LRRC8B: variants seen among roughly 807,000 people sequenced by gnomAD.
The protein encoded by LRRC8B is leucine rich repeat containing 8 VRAC subunit B, also known as volume-regulated anion channel subunit LRRC8B.
A neutral mutation model predicts 58.8 loss-of-function variants in LRRC8B; 23 were observed. The ratio of observed to expected loss-of-function variants is 0.39; its 90% confidence interval spans 0.28 to 0.55. The LOEUF (loss-of-function observed/expected upper bound fraction) is 0.55, where lower values mean the gene tolerates loss of function less well. Ranked by LOEUF, LRRC8B falls within the 20% of genes least tolerant of loss-of-function variation. The pLI is 0.62. For missense variants in LRRC8B, 694 were observed against 936.0 expected, an observed-to-expected ratio of 0.74 and a Z score of 3.37; for synonymous variants, 359 against 374.1, an observed-to-expected ratio of 0.96 and a Z score of 0.47.
intron 3 of LRRC8B, among the ~76,000 whole-genome samples, chr1:89,570,942 G>T (rs1653429296): frequency 6.6e-6 from 1 of 152,170 alleles, no homozygotes; most frequent in African/African-American, 2.4e-5. Flanking sequence ...TGGCTAGCCA[G>T]TTATCCGAGC....
chr1:89,552,878 C>T (rs1475714170), intron 1 of LRRC8B, among the ~76,000 whole-genome samples: 1 of 152,136 alleles, frequency 6.6e-6, no homozygotes, highest in Non-Finnish European at 1.5e-5. Flanking sequence ...TTATTACTTC[C>T]TTGATTAAAT....
chr1:89,533,957 T>C (rs1650333096), intron 1 of LRRC8B, among the ~76,000 whole-genome samples: 1 of 152,224 alleles, frequency 6.6e-6, no homozygotes, highest in African/African-American at 2.4e-5. Context: ...ACTTTGTCTA[T>C]GAGCTAGTGT....
rs1217820108 is a variant in LRRC8B at position 89,593,219 on chromosome 1, A to G, written c.*176A>G. ...GTGAAACCCCATCTCTGCTAAAACT[A>G]CAAAAAAATTAGCCAGGCGTGGTGG... On this transcript the variant is annotated 3_prime_UTR_variant, in exon 6 of 6. Coordinates refer to ENST00000330947, the MANE Select transcript of LRRC8B (RefSeq NM_001369817.2). 9.0e-5 allele frequency: 54 copies of G among 599,526 alleles called. No individual in the cohort carries two copies. Among genetic ancestry groups the G allele is most frequent in the Middle Eastern group, 4.5e-4 (1 of 2,228 alleles). The allele number at this position is 599,526 out of a possible 1,614,324, so 37.1% of individuals were successfully genotyped here.
chr1:89,539,141 C>A (rs770235280), intron 1 of LRRC8B, among the ~76,000 whole-genome samples: 5 of 152,142 alleles, frequency 3.3e-5, no homozygotes, highest in African/African-American at 9.7e-5. Context: ...CTCTTAAAGG[C>A]AAAGAAAACC....
At chr1:89,588,849 C>G (rs1654804833) in intron 5 of LRRC8B, among the ~76,000 whole-genome samples, 1 of 152,308 alleles carries the variant, frequency 6.6e-6, no homozygotes, top group African/African-American at 2.4e-5. Flanking sequence ...GGGGTCAAGT[C>G]TACCCACTGC....
In LRRC8B at chr1:89,583,736, C is replaced by G. The variant is rs748075014; in HGVS notation, c.1086C>G (p.Val362=). 1 of 1,614,154 alleles carries G rather than the reference C, an allele frequency of 6.2e-7. No homozygotes were observed. Among genetic ancestry groups the G allele is most frequent in the Non-Finnish European group, 8.5e-7 (1 of 1,180,030 alleles). ...GCAACTACAGTGACATCCCTGATGT[C>G]AAGAATGACTTTGCCTTCATCCTTC... The part of the protein sequence containing the change: ...EKSNYSDIPD[V]KNDFAFILHL... Residue 362 remains valine, a synonymous_variant, in exon 5 of 6, where the codon GTC becomes GTG. Coordinates refer to ENST00000330947, the MANE Select transcript of LRRC8B (RefSeq NM_001369817.2). This position sits in a 1 kb window ranked among gnomAD's most constrained non-coding sequence, Gnocchi z 5.2.
At chr1:89,541,810 A>G (rs1189048930) in intron 1 of LRRC8B, among the ~76,000 whole-genome samples, 3 of 149,962 alleles carry the variant, frequency 2.0e-5, no homozygotes, top group African/African-American at 7.4e-5. Context: ...AGGCAGGATA[A>G]GAGTTCAGTC....
At chr1:89,581,509 T>G (rs2045581) in intron 4 of LRRC8B, among the ~76,000 whole-genome samples, 6 of 151,996 alleles carry the variant, frequency 3.9e-5, no homozygotes, top group Non-Finnish European at 8.8e-5. Flanking sequence ...TTCCTTTTAC[T>G]TTACTCTGTG....
intron 1 of LRRC8B, among the ~76,000 whole-genome samples, chr1:89,535,469 T>C (rs746774683): frequency 6.6e-5 from 10 of 152,138 alleles, no homozygotes; most frequent in Non-Finnish European, 1.2e-4. Flanking sequence ...TGAGTTACGA[T>C]AGCACCACTG....
At chr1:89,527,224 C>T (rs900630743) in intron 1 of LRRC8B, among the ~76,000 whole-genome samples, 1 of 152,080 alleles carries the variant, frequency 6.6e-6, no homozygotes, top group African/African-American at 2.4e-5. Context: ...CTAATAGTAC[C>T]TGAGTATTTT....
At chr1:89,562,038 T>C (rs987272590) in intron 1 of LRRC8B, among the ~76,000 whole-genome samples, 6 of 152,106 alleles carry the variant, frequency 3.9e-5, no homozygotes, top group African/African-American at 1.4e-4. Flanking sequence ...GTCTCAGGGA[T>C]ATGTGGATGG....
chr1:89,542,510 G>GTGAA (rs544033184), intron 1 of LRRC8B, among the ~76,000 whole-genome samples: 215 of 152,248 alleles, frequency 1.4e-3, no homozygotes, highest in Non-Finnish European at 2.5e-3. Flanking sequence ...GAATGACTGA[G>GTGAA]TGAATGAATG....
chr1:89,536,000 G>A (rs1306127061), intron 1 of LRRC8B, among the ~76,000 whole-genome samples: 1 of 152,038 alleles, frequency 6.6e-6, no homozygotes, highest in Non-Finnish European at 1.5e-5. Flanking sequence ...GGGGCCCTCT[G>A]GGTTTCTGGA....
At chr1:89,578,839 T>C (rs1427961583) in intron 3 of LRRC8B, among the ~76,000 whole-genome samples, 1 of 152,156 alleles carries the variant, frequency 6.6e-6, no homozygotes, top group Non-Finnish European at 1.5e-5. Context: ...GTTCAAATTA[T>C]CAATATATAT....
Position 89,584,043 on chromosome 1 carries a change from C to T in LRRC8B, c.1393C>T (p.Leu465Phe), listed in dbSNP as rs1425549802. ...LPSAVSQLVN[L>F]KELRVYHSSL... Reference sequence around the variant, plus strand: ...CTCTGCAGTCTCACAGCTGGTCAACCTCAAGGAGCTTCGTGTGTACCATTC... The same window carrying T: ...CTCTGCAGTCTCACAGCTGGTCAACTTCAAGGAGCTTCGTGTGTACCATTC... Residue 465 changes from leucine (L) to phenylalanine (F), a missense_variant, in exon 5 of 6, where the codon CTC (leucine) becomes TTC (phenylalanine). Leu to Phe is a conservative substitution (Grantham distance 22, BLOSUM62 0). Coordinates refer to ENST00000330947, the MANE Select transcript of LRRC8B (RefSeq NM_001369817.2). 2.5e-6 allele frequency: 4 copies of T among 1,614,136 alleles called. No individual in the cohort carries two copies. In the South Asian group the frequency reaches 4.4e-5, roughly 18 times the overall value.
chr1:89,537,461 T>C (rs1449326443), intron 1 of LRRC8B, among the ~76,000 whole-genome samples: 1 of 151,950 alleles, frequency 6.6e-6, no homozygotes, highest in African/African-American at 2.4e-5. Flanking sequence ...TTGGTGTGTT[T>C]TTTGTTTTGT....
chr1:89,570,681 A>G lies in LRRC8B; in HGVS notation c.-125+2188A>G, dbSNP rs537348499. On this transcript the variant is annotated intron_variant, in intron 3 of 5. Transcript: ENST00000330947. ...TGTAGGTTGTCTGTTTACTCTGTTGATAGCTTCTTTTGCTGTGCAGAAGCT... is the reference window on the plus strand; with the variant it reads ...TGTAGGTTGTCTGTTTACTCTGTTGGTAGCTTCTTTTGCTGTGCAGAAGCT... 3.3e-5 allele frequency among the ~76,000 whole-genome samples: 5 copies of G among 152,252 alleles called. No homozygotes were observed. The South Asian group carries it at 1.0e-3, about 32-fold the overall frequency.
intron 1 of LRRC8B, among the ~76,000 whole-genome samples, chr1:89,538,481 A>G (rs958993849): frequency 3.9e-5 from 6 of 152,114 alleles, no homozygotes; most frequent in Admixed American, 3.3e-4. Flanking sequence ...AACCCCAGTG[A>G]TTTCCTTTGG....
rs560534282 is a variant in LRRC8B, at chr1:89,573,062, A to T, written c.-125+4569A>T. Among the ~76,000 whole-genome samples, 12 of 152,296 alleles carry T rather than the reference A, an allele frequency of 7.9e-5. No homozygotes were observed. The South Asian group carries it at 2.3e-3, about 29-fold the overall frequency. On this transcript the variant is annotated intron_variant, in intron 3 of 5. Transcript: ENST00000330947. ...ACGCCTGTAATCCCAGCACTTTGGG[A>T]GGCTGAGGTGGGCGGATCACGAGGT...
Sources: gnomAD v4.1 joint callset for allele counts (sites outside exome capture counted in the v4.1 genomes callset) on GRCh38, gnomAD v4.1.1 for gene constraint, Gnocchi (gnomAD v3.1) non-coding constraint, MANE v1.5 for transcripts, NCBI Gene and HGNC (gene_info 2026-07-23, HGNC 2026-07-21) for gene names.